Variants in RBFOX1 observed in about 807,000 individuals in gnomAD.
RBFOX1 encodes the protein RNA binding fox-1 homolog 1, also known as RNA binding protein fox-1 homolog 1.
Under a neutral mutation model 57.7 loss-of-function variants are expected in RBFOX1, and 8 were observed. The ratio of observed to expected loss-of-function variants is 0.14; its 90% confidence interval spans 0.08 to 0.25. The LOEUF (loss-of-function observed/expected upper bound fraction) is 0.25. Ranked by LOEUF, RBFOX1 falls within the 10% of genes least tolerant of loss-of-function variation. The pLI, the probability that RBFOX1 is intolerant of heterozygous loss-of-function variation, is 1.00. For synonymous variants in RBFOX1, 326 were observed against 222.4 expected, an observed-to-expected ratio of 1.47 and a Z score of -4.15; for missense variants, 611 against 548.5, an observed-to-expected ratio of 1.11 and a Z score of -1.14.
intron 1 of RBFOX1, among the ~76,000 whole-genome samples, chr16:6,203,147 C>G (rs965061379): frequency 1.3e-5 from 2 of 152,024 alleles, no homozygotes; most frequent in Non-Finnish European, 2.9e-5. Context: ...ATTTTTAAGT[C>G]TACAACACAG....
intron 14 of RBFOX1, among the ~76,000 whole-genome samples, chr16:7,700,787 TC>T (rs1413573110): frequency 6.6e-6 from 1 of 152,166 alleles, no homozygotes; most frequent in Non-Finnish European, 1.5e-5. Context: ...TATTCTGCTT[TC>T]CCTCAAATCT....
intron 4 of RBFOX1, among the ~76,000 whole-genome samples, chr16:7,468,049 C>T (rs186077828): frequency 1.2e-4 from 19 of 152,356 alleles, no homozygotes; most frequent in Admixed American, 1.1e-3. Context: ...CGCTGAACTT[C>T]TGAGAACAGA....
chr16:6,665,496 G>A (rs540914378), intron 3 of RBFOX1, among the ~76,000 whole-genome samples: 2 of 151,818 alleles, frequency 1.3e-5, no homozygotes, highest in African/African-American at 4.9e-5. Flanking sequence ...ATAGTGACAG[G>A]CACCTGTAAT....
intron 4 of RBFOX1, among the ~76,000 whole-genome samples, chr16:7,321,127 A>ATACATG (rs1219581014): frequency 7.6e-6 from 1 of 131,612 alleles, no homozygotes; most frequent in African/African-American, 2.6e-5. Flanking sequence ...ACATATACAT[A>ATACATG]TACTTATACT....
chr16:6,162,083 C>G (rs1049777266), intron 1 of RBFOX1, among the ~76,000 whole-genome samples: 7 of 152,188 alleles, frequency 4.6e-5, no homozygotes, highest in African/African-American at 1.7e-4. Flanking sequence ...CAGATTCACA[C>G]AATGCAGATT....
chr16:6,572,269 A>G (rs74418970), intron 2 of RBFOX1, among the ~76,000 whole-genome samples: 7,248 of 152,324 alleles, frequency 0.048, 263 homozygotes, highest in East Asian at 0.13. Flanking sequence ...ATTCTATAGG[A>G]CATAGAGAAT....
intron 1 of RBFOX1, among the ~76,000 whole-genome samples, chr16:6,095,695 G>A (rs1208859889): frequency 1.3e-5 from 2 of 150,128 alleles, no homozygotes; most frequent in Non-Finnish European, 2.9e-5. Context: ...TCTCTTCTGC[G>A]ATGGAAAGAA....
intron 3 of RBFOX1, among the ~76,000 whole-genome samples, chr16:6,908,379 T>G (rs1388882205): frequency 6.6e-6 from 1 of 152,102 alleles, no homozygotes; most frequent in Non-Finnish European, 1.5e-5. Context: ...GATGTGTGTC[T>G]GTCTGCCTGC....
At chr16:7,443,359 T>C (rs2149964774) in intron 4 of RBFOX1, among the ~76,000 whole-genome samples, 1 of 152,026 alleles carries the variant, frequency 6.6e-6, no homozygotes, top group African/African-American at 2.4e-5. Context: ...ATCCCCCTCC[T>C]GTCTCACACA....
chr16:5,387,501 G>C (rs1212882934), intron 1 of RBFOX1, among the ~76,000 whole-genome samples: 1 of 152,168 alleles, frequency 6.6e-6, no homozygotes, highest in African/African-American at 2.4e-5. Flanking sequence ...TATCACATCT[G>C]AGTTTGAGAT....
At chr16:5,426,482 G>A (rs933498922) in intron 1 of RBFOX1, among the ~76,000 whole-genome samples, 11 of 152,222 alleles carry the variant, frequency 7.2e-5, no homozygotes, top group Admixed American at 3.9e-4. Context: ...GGAGGGTCTG[G>A]AAGAGGTGAC....
At chr16:5,535,897 A>G (rs1168908325) in intron 2 of RBFOX1, among the ~76,000 whole-genome samples, 2 of 152,152 alleles carry the variant, frequency 1.3e-5, no homozygotes, top group Non-Finnish European at 2.9e-5. Flanking sequence ...GGCGTACTGT[A>G]AGAGTCACAC....
At chr16:6,220,429 A>T (rs1050549229) in intron 1 of RBFOX1, among the ~76,000 whole-genome samples, 4 of 152,312 alleles carry the variant, frequency 2.6e-5, no homozygotes, top group African/African-American at 9.6e-5. Flanking sequence ...AACAAGAGAA[A>T]AGGAGGAATT....
chr16:7,499,808 C>A (rs963626286), intron 4 of RBFOX1, among the ~76,000 whole-genome samples: 1 of 151,762 alleles, frequency 6.6e-6, no homozygotes, highest in Middle Eastern at 3.2e-3. Context: ...ATCTACTTCG[C>A]AGTTGTTGAG....
intron 2 of RBFOX1, among the ~76,000 whole-genome samples, chr16:6,638,052 A>G (rs1388664058): frequency 6.6e-6 from 1 of 152,142 alleles, no homozygotes; most frequent in Non-Finnish European, 1.5e-5. Context: ...TTAGGGGTAG[A>G]CTAAACTTCT....
At chr16:6,774,928 T>G (rs1391978587) in intron 3 of RBFOX1, among the ~76,000 whole-genome samples, 2 of 152,062 alleles carry the variant, frequency 1.3e-5, no homozygotes, top group Non-Finnish European at 2.9e-5. Context: ...GCTACCATAT[T>G]GGACAGTATA....
intron 4 of RBFOX1, among the ~76,000 whole-genome samples, chr16:7,073,327 A>C (rs1004430653): frequency 3.3e-5 from 5 of 152,144 alleles, no homozygotes; most frequent in African/African-American, 1.2e-4. Flanking sequence ...CCCTATATGA[A>C]GGGGCATGGC....
At chr16:6,483,498 C>G in intron 2 of RBFOX1, 11 of 1,535,430 alleles carry the variant, frequency 7.2e-6, no homozygotes, top group Non-Finnish European at 9.6e-6. Context: ...TTGCAGCCGA[C>G]AATGAAATCT....
At chr16:6,095,028 C>G (rs1288984110) in intron 1 of RBFOX1, among the ~76,000 whole-genome samples, 1 of 152,132 alleles carries the variant, frequency 6.6e-6, no homozygotes, top group Non-Finnish European at 1.5e-5. Flanking sequence ...CCACTGCACT[C>G]CAGCCTGGGC....
Sources: allele counts gnomAD v4.1 joint callset (sites outside exome capture counted in the v4.1 genomes callset), GRCh38; gene constraint gnomAD v4.1.1; transcripts MANE v1.5; gene names NCBI Gene and HGNC (gene_info 2026-07-23, HGNC 2026-07-21).